EGFLAM: variants seen among roughly 807,000 people sequenced by gnomAD.
The protein encoded by EGFLAM is EGF like, fibronectin type III and laminin G domains, also known as pikachurin.
EGFLAM carries 79 observed loss-of-function variants against 113.1 expected under a neutral mutation model. The ratio of observed to expected loss-of-function variants is 0.70; its 90% CI spans 0.58 to 0.84. EGFLAM has a LOEUF of 0.84. Ranked by LOEUF, EGFLAM falls within the 40% of genes least tolerant of loss-of-function variation. The pLI, the probability that EGFLAM is intolerant of heterozygous loss-of-function variation, is 0.00. For missense variants in EGFLAM, 1,265 were observed against 1,291.6 expected, an observed-to-expected ratio of 0.98 and a Z score of 0.32; for synonymous variants, 504 against 487.6, an observed-to-expected ratio of 1.03 and a Z score of -0.44.
intron 1 of EGFLAM, among the ~76,000 whole-genome samples, chr5:38,268,968 G>A (rs972973514): frequency 6.6e-6 from 1 of 152,116 alleles, no homozygotes; most frequent in South Asian, 2.1e-4. Context: ...CTTCAGCCCA[G>A]GAGTTTGAGA....
At chr5:38,367,564 C>G (rs1164907747) in intron 5 of EGFLAM, among the ~76,000 whole-genome samples, 1 of 152,072 alleles carries the variant, frequency 6.6e-6, no homozygotes, top group African/African-American at 2.4e-5. Flanking sequence ...AGATGTTCTT[C>G]TGTTCCTGTG....
chr5:38,435,189 C>G lies in EGFLAM; in HGVS notation c.2219C>G (p.Pro740Arg). Residue 740 changes from proline to arginine, a missense_variant, in exon 16 of 22, where the codon CCC (proline) becomes CGC (arginine). Transcript: ENST00000322350. ...CNTDIFIGGV[P>R]NYDDVKKNSG... ...ACAGACATTTTCATTGGCGGAGTCC[C>G]CAATTATGATGATGTGAAGAAGAAC... 2 of 1,614,038 alleles carry G rather than the reference C, an allele frequency of 1.2e-6. No individual in the cohort carries two copies. Among genetic ancestry groups the G allele is most frequent in the Non-Finnish European group, 1.7e-6 (2 of 1,180,014 alleles).
intron 1 of EGFLAM, among the ~76,000 whole-genome samples, chr5:38,324,044 A>G (rs540025722): frequency 5.2e-5 from 2 of 38,248 alleles, no homozygotes; most frequent in Non-Finnish European, 9.8e-5. Context: ...CATCTCAAAC[A>G]AAAAAAAAAA....
intron 1 of EGFLAM, among the ~76,000 whole-genome samples, chr5:38,292,464 C>T (rs1386228041): frequency 6.6e-6 from 1 of 152,158 alleles, no homozygotes; most frequent in Non-Finnish European, 1.5e-5. Context: ...GTACAGGTAA[C>T]CTAAAAGTTT....
intron 1 of EGFLAM, among the ~76,000 whole-genome samples, chr5:38,300,608 T>G (rs1171623509): frequency 6.6e-6 from 1 of 152,188 alleles, no homozygotes; most frequent in Non-Finnish European, 1.5e-5. Flanking sequence ...ACTACTGATA[T>G]AAAGTGATCA....
rs1433151383 is a variant in EGFLAM, at chr5:38,451,304, A to G, written c.2544-11A>G. On this transcript the variant is annotated splice_polypyrimidine_tract_variant and intron_variant, in intron 18 of 21. Coordinates refer to ENST00000322350, the MANE Select transcript of EGFLAM (RefSeq NM_152403.4). ...GTTGATTTGGTGGACTTATTTGTGT[A>G]TTTCCTCCAGGGTGTCAGGATCAAG... 6.2e-7 allele frequency: 1 copy of G among 1,609,918 alleles called. No homozygotes were observed. The highest frequency in any genetic ancestry group is 1.3e-5 in the African/African-American group (1 of 74,786).
intron 1 of EGFLAM, among the ~76,000 whole-genome samples, chr5:38,329,298 TAAATAAATAAA>T (rs1738977231): frequency 2.0e-4 from 2 of 10,076 alleles, no homozygotes; most frequent in African/African-American, 9.8e-4. Context: ...CAAAGATAAA[TAAATAAATAAA>T]TAAATAAATA....
At chr5:38,385,913 C>G (rs1740648140) in intron 6 of EGFLAM, among the ~76,000 whole-genome samples, 1 of 152,168 alleles carries the variant, frequency 6.6e-6, no homozygotes, top group African/African-American at 2.4e-5. Flanking sequence ...ACGGTATAGC[C>G]TACAGCACGC....
At chr5:38,344,475 C>A (rs1457196817) in intron 3 of EGFLAM, among the ~76,000 whole-genome samples, 1 of 87,386 alleles carries the variant, frequency 1.1e-5, no homozygotes, top group African/African-American at 5.1e-5. Flanking sequence ...AAGAGTGAAA[C>A]TCTGTTTCAA....
At chr5:38,383,779 A>G (rs1371507911) in intron 6 of EGFLAM, among the ~76,000 whole-genome samples, 1 of 151,894 alleles carries the variant, frequency 6.6e-6, no homozygotes, top group African/African-American at 2.4e-5. Context: ...GGGATAGGCT[A>G]TCAGGGAAGG....
intron 19 of EGFLAM, among the ~76,000 whole-genome samples, chr5:38,452,989 T>C (rs1418518576): frequency 1.3e-5 from 2 of 152,222 alleles, no homozygotes; most frequent in African/African-American, 4.8e-5. Context: ...GAGATTGTCA[T>C]GGCACATCCT....
At chr5:38,404,743 C>T (rs944248518) in intron 6 of EGFLAM, among the ~76,000 whole-genome samples, 10 of 152,212 alleles carry the variant, frequency 6.6e-5, no homozygotes, top group African/African-American at 2.4e-4. Context: ...AAAGTTGTTA[C>T]TGCCCTAAAG....
At chr5:38,281,868 A>G (rs1226682038) in intron 1 of EGFLAM, among the ~76,000 whole-genome samples, 3 of 152,218 alleles carry the variant, frequency 2.0e-5, no homozygotes. Flanking sequence ...TTATTGTTCT[A>G]CTTATTCTAA....
intron 13 of EGFLAM, among the ~76,000 whole-genome samples, chr5:38,426,025 C>A (rs919010564): frequency 3.9e-5 from 6 of 151,906 alleles, no homozygotes; most frequent in Admixed American, 2.6e-4. Flanking sequence ...ATTGCTTGAA[C>A]CCAGGAGGCG....
intron 1 of EGFLAM, among the ~76,000 whole-genome samples, chr5:38,280,891 T>C (rs912271488): frequency 2.6e-5 from 4 of 152,240 alleles, no homozygotes; most frequent in African/African-American, 9.6e-5. Flanking sequence ...CATTCAGAAC[T>C]CTCTGAGAAT....
At chr5:38,463,576 T>A (rs1579969189) in intron 21 of EGFLAM, among the ~76,000 whole-genome samples, 1 of 152,320 alleles carries the variant, frequency 6.6e-6, no homozygotes, top group East Asian at 1.9e-4. Context: ...GGGCCAGAAA[T>A]CACACATGAG....
intron 10 of EGFLAM, among the ~76,000 whole-genome samples, chr5:38,411,692 A>G (rs965564413): frequency 1.3e-5 from 2 of 152,052 alleles, no homozygotes; most frequent in Non-Finnish European, 2.9e-5. Flanking sequence ...CATGTTGGCC[A>G]GGATGGTATC....
At chr5:38,393,845 G>C (rs866412649) in intron 6 of EGFLAM, among the ~76,000 whole-genome samples, 1 of 152,236 alleles carries the variant, frequency 6.6e-6, no homozygotes, top group East Asian at 1.9e-4. Flanking sequence ...AGAGGGTCAG[G>C]GTGGCGGCCC....
rs146468606 is a variant in EGFLAM, at chr5:38,309,468, G to T, written c.98-28052G>T. On this transcript the variant is annotated intron_variant, in intron 1 of 21. Coordinates refer to ENST00000322350, the MANE Select transcript of EGFLAM (RefSeq NM_152403.4). ...CCATCACTAGCACTAGTAGGGAAAA[G>T]AAACTGAGGGAGTGAAAGGCAGTGA... Among the ~76,000 whole-genome samples, 898 of 152,294 alleles carry T rather than the reference G, an allele frequency of 5.9e-3. 13 individuals carry two copies. The highest frequency in any genetic ancestry group is 0.02 in the African/African-American group (837 of 41,570).
Sources: gnomAD v4.1 joint callset for allele counts (sites outside exome capture counted in the v4.1 genomes callset) on GRCh38, gnomAD v4.1.1 for gene constraint, MANE v1.5 for transcripts, NCBI Gene and HGNC (gene_info 2026-07-23, HGNC 2026-07-21) for gene names.